Variants in HERC4 observed in about 807,000 individuals in gnomAD.
HERC4 encodes HECT and RLD domain containing E3 ubiquitin protein ligase 4.
Under a neutral mutation model 124.3 loss-of-function variants are expected in HERC4, and 28 were observed. The observed-to-expected ratio is 0.23, with a 90% CI of 0.17 to 0.31. HERC4 has a LOEUF of 0.31. Among genes scored for constraint, HERC4 ranks in the 10% least tolerant of loss-of-function variants. The pLI, the probability that HERC4 is intolerant of heterozygous loss-of-function variation, is 1.00. For missense variants in HERC4, 713 were observed against 1,229.3 expected, an observed-to-expected ratio of 0.58 and a Z score of 6.28; for synonymous variants, 407 against 421.5, an observed-to-expected ratio of 0.97 and a Z score of 0.42.
intron 7 of HERC4, among the ~76,000 whole-genome samples, chr10:68,031,813 G>A (rs564868483): frequency 6.6e-6 from 1 of 152,228 alleles, no homozygotes; most frequent in African/African-American, 2.4e-5. Context: ...CAGTGCAGTG[G>A]TGTGATCTCA....
At position 68,073,092 on chromosome 10, in the gene HERC4, T is replaced by C; in HGVS notation, c.17A>G (p.Asn6Ser). ...CAAACCTAGCTGCCCAAAGGATGCA[T>C]TTCCCCAGCACAACATGCTTGTAAT... MLCWG[N>S]ASFGQLGLGG... The change falls in exon 3 of 25, where the codon AAT (asparagine) becomes AGT (serine). Residue 6 changes from asparagine (N) to serine (S), a missense_variant. By Grantham distance (46) the Asn-to-Ser change is conservative. Transcript: ENST00000373700. 3 of 1,613,662 alleles carry C rather than the reference T, an allele frequency of 1.9e-6. No individual in the cohort carries two copies. Among genetic ancestry groups the C allele is most frequent in the Non-Finnish European group, 2.5e-6 (3 of 1,179,784 alleles).
In HERC4 at chr10:67,992,341, A is replaced by G. The variant is rs374837877; in HGVS notation, c.1147-18T>C. On this transcript the variant is annotated intron_variant, in intron 10 of 24. Transcript: ENST00000373700. ...CCACAGTTCTAAATTTTCAAATAAG[A>G]TTAGTCAGAGGGAAGAGATATTATA... 7 of 1,612,204 alleles carry G rather than the reference A, an allele frequency of 4.3e-6. No homozygotes were observed. The African/African-American group carries it at 8.0e-5, about 18-fold the overall frequency.
chr10:68,008,935 A>G (rs940808299), intron 9 of HERC4, among the ~76,000 whole-genome samples: 1 of 152,210 alleles, frequency 6.6e-6, no homozygotes, highest in Non-Finnish European at 1.5e-5. Context: ...GTATGTTTAT[A>G]CTAGCCTGGG....
intron 16 of HERC4, among the ~76,000 whole-genome samples, chr10:67,962,293 T>C (rs540933405): frequency 6.6e-6 from 1 of 152,124 alleles, no homozygotes; most frequent in South Asian, 2.1e-4. Flanking sequence ...CAAGGGAGTT[T>C]ATAGTATGGG....
In HERC4 at chr10:67,976,125, A is replaced by G. The variant is rs531513921; in HGVS notation, c.1807-9323T>C. Reference sequence around the variant, plus strand: ...GAGTTGAGAGTTGACTAGTTGCAACAAAAACTGTATGGCTCACAAAGCATA... The same window carrying G: ...GAGTTGAGAGTTGACTAGTTGCAACGAAAACTGTATGGCTCACAAAGCATA... On this transcript the variant is annotated intron_variant, in intron 15 of 24. Transcript: ENST00000373700. 5.3e-5 allele frequency among the ~76,000 whole-genome samples: 8 copies of G among 152,272 alleles called. No individual in the cohort carries two copies. In the East Asian group the frequency reaches 1.5e-3, roughly 29 times the overall value.
intron 16 of HERC4, chr10:67,959,041 G>C: frequency 7.9e-7 from 1 of 1,272,944 alleles, no homozygotes. Flanking sequence ...ACGAATCTTT[G>C]GCTCTTCTAT....
Position 67,932,549 on chromosome 10 carries a change from T to G in HERC4, c.2838+48A>C, listed in dbSNP as rs567572222. The stretch of plus-strand genomic sequence containing the variant: ...AATACATAAAAAGGCAAGATTTCCA[T>G]ATATAAATCTTTCCATTTAACAATA... On this transcript the variant is annotated intron_variant, in intron 23 of 24. Coordinates refer to ENST00000373700, the MANE Select transcript of HERC4 (RefSeq NM_015601.4). 201 of 1,498,910 alleles carry G rather than the reference T, an allele frequency of 1.3e-4. 1 individual carries two copies. Among genetic ancestry groups the G allele is most frequent in the Middle Eastern group, 3.5e-4 (2 of 5,658 alleles). 92.9% of individuals were successfully genotyped at this position (1,498,910 alleles called of 1,614,324 possible). A position where few individuals can be genotyped will look rare whatever the true frequency, so the allele number is the denominator to read the frequency against.
chr10:68,065,109 G>A (rs373757940), intron 3 of HERC4, among the ~76,000 whole-genome samples: 1 of 151,980 alleles, frequency 6.6e-6, no homozygotes, highest in African/African-American at 2.4e-5. Context: ...ATTATTATCG[G>A]GGGAAAAAAG....
intron 9 of HERC4, among the ~76,000 whole-genome samples, chr10:68,000,198 G>A (rs1349915289): frequency 6.6e-6 from 1 of 152,086 alleles, no homozygotes. Context: ...GTACTAACAG[G>A]GGCGATGCTG....
intron 15 of HERC4, among the ~76,000 whole-genome samples, chr10:67,975,537 A>G (rs1470141761): frequency 2.6e-5 from 4 of 151,996 alleles, no homozygotes; most frequent in Non-Finnish European, 5.9e-5. Context: ...TTTTGTAGAG[A>G]TGGGATTTCA....
chr10:67,958,133 T>C (rs2034267186), intron 16 of HERC4, among the ~76,000 whole-genome samples: 1 of 152,226 alleles, frequency 6.6e-6, no homozygotes, highest in African/African-American at 2.4e-5. Flanking sequence ...TATATCACTA[T>C]GCATCATTTA....
chr10:67,996,099 A>C (rs1229779643), intron 9 of HERC4: 2 of 440,224 alleles, frequency 4.5e-6, no homozygotes, highest in Admixed American at 2.5e-5. Context: ...TGAGCCCAGG[A>C]GTTCAAGACC....
intron 3 of HERC4, among the ~76,000 whole-genome samples, chr10:68,048,754 G>A (rs2040140391): frequency 6.6e-6 from 1 of 152,072 alleles, no homozygotes; most frequent in South Asian, 2.1e-4. Context: ...GCATGGTAGG[G>A]GACAGGAAGT....
intron 15 of HERC4, among the ~76,000 whole-genome samples, chr10:67,974,118 AC>A (rs2035436008): frequency 2.2e-5 from 2 of 91,228 alleles, no homozygotes; most frequent in African/African-American, 3.5e-5. Flanking sequence ...ACACACACAC[AC>A]ATACACACAG....
At chr10:68,008,744 T>C (rs1251525399) in intron 9 of HERC4, among the ~76,000 whole-genome samples, 2 of 152,190 alleles carry the variant, frequency 1.3e-5, no homozygotes, top group Non-Finnish European at 2.9e-5. Context: ...ATAGCAGCAT[T>C]ATTCACAATA....
At chr10:67,990,562 A>G (rs1044582642) in intron 13 of HERC4, among the ~76,000 whole-genome samples, 162 bp from the exon 14 acceptor site, 2 of 152,072 alleles carry the variant, frequency 1.3e-5, no homozygotes, top group African/African-American at 2.4e-5. Flanking sequence ...ATGTCTTACA[A>G]TGAATATACT....
Position 68,065,814 on chromosome 10 carries a change from T to C in HERC4, c.226+7069A>G, listed in dbSNP as rs1050224751. 2.0e-5 allele frequency among the ~76,000 whole-genome samples: 3 copies of C among 152,088 alleles called. 1 individual carries two copies. The highest frequency in any genetic ancestry group is 2.0e-4 in the Admixed American group (3 of 15,254). ...AGTCGAGGCTGCATTGAGCCACGAT[T>C]TAACCACTGTACTCCAGTGACAACA... On this transcript the variant is annotated intron_variant, in intron 3 of 24. Coordinates refer to ENST00000373700, the MANE Select transcript of HERC4 (RefSeq NM_015601.4).
At chr10:67,938,955 AC>A (rs1450908453) in intron 21 of HERC4, among the ~76,000 whole-genome samples, 2 of 152,142 alleles carry the variant, frequency 1.3e-5, no homozygotes, top group African/African-American at 4.8e-5. Flanking sequence ...AAAAAACAAA[AC>A]AAAACAAAAA....
intron 3 of HERC4, among the ~76,000 whole-genome samples, chr10:68,072,623 T>C (rs1027366359): frequency 1.3e-5 from 2 of 152,092 alleles, no homozygotes; most frequent in African/African-American, 4.8e-5. Context: ...AAGATTTATA[T>C]ACTGCAGGCT....
Sources: allele counts gnomAD v4.1 joint callset (sites outside exome capture counted in the v4.1 genomes callset), GRCh38; gene constraint gnomAD v4.1.1; transcripts MANE v1.5; gene names NCBI Gene and HGNC (gene_info 2026-07-23, HGNC 2026-07-21).